The following EPB41L3 variants were observed in gnomAD, a reference collection of about 807,000 sequenced individuals.
EPB41L3 encodes erythrocyte membrane protein band 4.1 like 3.
In EPB41L3, 57 loss-of-function variants were observed where a neutral mutation model predicts 127.1. The ratio of observed to expected loss-of-function variants is 0.45; its 90% CI spans 0.36 to 0.56. The LOEUF is 0.56. EPB41L3 is among the 20% of genes least tolerant of loss of function. The pLI is 0.00. For missense variants in EPB41L3, 1,273 were observed against 1,372.2 expected (o/e 0.93, Z 1.14); for synonymous variants, 572 against 549.5 (o/e 1.04, Z -0.57).
chr18:5,622,555 C>A (rs924879959), intron 1 of EPB41L3, among the ~76,000 whole-genome samples: 1 of 152,182 alleles, frequency 6.6e-6, no homozygotes, highest in Admixed American at 6.5e-5. Flanking sequence ...CATGTTTATT[C>A]TGCTCTTTAG....
chr18:5,395,117 T>G lies in EPB41L3; in HGVS notation c.3103A>C (p.Ile1035Leu). Reference sequence around the variant, plus strand: ...CCCGTGATGACTATTCGCTTCTCAATTCTTGTCTCTGAAATGCCCCCTTTC... The same window carrying G: ...CCCGTGATGACTATTCGCTTCTCAAGTCTTGTCTCTGAAATGCCCCCTTTC... ...TVKGGISETRIEKRIVITGDA... is the reference protein window; with the variant it reads ...TVKGGISETRLEKRIVITGDA... The change falls in exon 21 of 23, where the codon ATT becomes CTT. Residue 1035 changes from isoleucine to leucine, a missense_variant. Transcript: ENST00000341928. 1 of 1,614,122 alleles carries G rather than the reference T, an allele frequency of 6.2e-7. No individual in the cohort carries two copies. The highest frequency in any genetic ancestry group is 8.5e-7 in the Non-Finnish European group (1 of 1,180,016).
chr18:5,512,416 G>A (rs150098428), intron 1 of EPB41L3, among the ~76,000 whole-genome samples: 2 of 152,268 alleles, frequency 1.3e-5, no homozygotes, highest in East Asian at 3.9e-4. Flanking sequence ...CTTTGTTTGG[G>A]TGGGGGCTGG....
intron 1 of EPB41L3, among the ~76,000 whole-genome samples, chr18:5,498,155 T>C (rs1036137298): frequency 4.6e-5 from 7 of 152,208 alleles, no homozygotes; most frequent in Admixed American, 3.9e-4. Context: ...CATTTTCACA[T>C]ATTGTTCTAA....
intron 3 of EPB41L3, among the ~76,000 whole-genome samples, chr18:5,603,257 G>A (rs977156009): frequency 6.6e-6 from 1 of 152,176 alleles, no homozygotes; most frequent in Non-Finnish European, 1.5e-5. Context: ...CTAAGTGAGA[G>A]GAAAATGAAC....
chr18:5,515,533 A>G (rs1367470239), intron 1 of EPB41L3, among the ~76,000 whole-genome samples: 3 of 150,850 alleles, frequency 2.0e-5, no homozygotes, highest in Admixed American at 2.0e-4. Context: ...TGAACCAGTT[A>G]CAACAACTCT....
chr18:5,612,163 A>C (rs1435546316), intron 3 of EPB41L3, among the ~76,000 whole-genome samples: 2 of 152,156 alleles, frequency 1.3e-5, no homozygotes, highest in African/African-American at 4.8e-5. Flanking sequence ...CCAATCTTGA[A>C]AGGAAAGCAT....
chr18:5,589,436 T>C (rs1322552157), intron 3 of EPB41L3, among the ~76,000 whole-genome samples: 2 of 152,142 alleles, frequency 1.3e-5, no homozygotes, highest in Non-Finnish European at 2.9e-5. Flanking sequence ...TGGAAAAATA[T>C]AGCAATAAAG....
chr18:5,456,738 G>A (rs995104633), intron 3 of EPB41L3, among the ~76,000 whole-genome samples: 2 of 152,152 alleles, frequency 1.3e-5, no homozygotes, highest in Admixed American at 6.5e-5. Flanking sequence ...CCTCTATCAG[G>A]GCATCCTGGC....
chr18:5,452,806 T>G (rs561169637), intron 3 of EPB41L3, among the ~76,000 whole-genome samples: 7 of 150,494 alleles, frequency 4.7e-5, no homozygotes, highest in Admixed American at 2.6e-4. Flanking sequence ...GTGTGTGTGT[T>G]TTTAAAAAAC....
At chr18:5,611,410 G>A (rs1018532915) in intron 3 of EPB41L3, among the ~76,000 whole-genome samples, 1 of 152,192 alleles carries the variant, frequency 6.6e-6, no homozygotes. Context: ...GAGGTATACA[G>A]AGTAGTAAAA....
Position 5,395,075 on chromosome 18 carries a change from G to C in EPB41L3, c.3145C>G (p.His1049Asp). Residue 1049 changes from histidine (H) to aspartate (D), a missense_variant, in exon 21 of 23, where the codon CAT (histidine) becomes GAT (aspartate). His to Asp is a moderately conservative substitution (Grantham distance 81, BLOSUM62 -1). Coordinates refer to ENST00000341928, the MANE Select transcript of EPB41L3 (RefSeq NM_012307.5). ...CGTCTCACACACACTACCTGGTCAT[G>C]GTCAATGTCTGCATCCCCCGTGATG... ...IVITGDADID[H>D]DQALAQAIKE... The C allele has an allele frequency of 6.2e-7, 1 of 1,613,934 alleles. No individual in the cohort carries two copies. Among genetic ancestry groups the C allele is most frequent in the Non-Finnish European group, 8.5e-7 (1 of 1,179,878 alleles).
At chr18:5,416,419 A>G in intron 12 of EPB41L3, 41 bp from the exon 13 acceptor site, 3 of 1,554,824 alleles carry the variant, frequency 1.9e-6, no homozygotes, top group Non-Finnish European at 2.6e-6. Context: ...AGCAGCAAAC[A>G]GAGGTGCAAA....
At chr18:5,502,911 G>C (rs188864236) in intron 1 of EPB41L3, among the ~76,000 whole-genome samples, 1 of 152,160 alleles carries the variant, frequency 6.6e-6, no homozygotes, top group East Asian at 1.9e-4. Flanking sequence ...AGCTGGAGAG[G>C]GTAACACTAG....
intron 5 of EPB41L3, among the ~76,000 whole-genome samples, chr18:5,441,876 A>C (rs2085653539): frequency 6.6e-6 from 1 of 152,218 alleles, no homozygotes; most frequent in South Asian, 2.1e-4. Context: ...TGATAAAAAA[A>C]TCTTTTAAAA....
chr18:5,578,879 T>C (rs987628301), intron 3 of EPB41L3, among the ~76,000 whole-genome samples: 1 of 152,212 alleles, frequency 6.6e-6, no homozygotes, highest in African/African-American at 2.4e-5. Flanking sequence ...TGAACATTCA[T>C]ACGCCCTACT....
At chr18:5,528,123 A>G (rs1333839989) in intron 1 of EPB41L3, among the ~76,000 whole-genome samples, 1 of 152,178 alleles carries the variant, frequency 6.6e-6, no homozygotes, top group Admixed American at 6.6e-5. Context: ...AGAGGGAGAG[A>G]GGTGCACATG....
intron 1 of EPB41L3, among the ~76,000 whole-genome samples, chr18:5,518,145 A>T (rs184178444): frequency 8.5e-5 from 13 of 152,168 alleles, no homozygotes; most frequent in Admixed American, 8.5e-4. Context: ...GGGGATGCAC[A>T]CATCAGGCCC....
chr18:5,501,121 T>A (rs1470089791), intron 1 of EPB41L3, among the ~76,000 whole-genome samples: 4 of 151,922 alleles, frequency 2.6e-5, no homozygotes, highest in African/African-American at 4.8e-5. Flanking sequence ...TTTGATCAAA[T>A]CAATAAAGAA....
chr18:5,543,988 C>A lies in EPB41L3; in HGVS notation c.-87G>T. ...GGCGCGCGTCCTCGGCGGCGGTGCG[C>A]AGGAGACTCGGGCGTGGGGAGGAAG... On this transcript the variant is annotated 5_prime_UTR_variant, in exon 1 of 23. Transcript: ENST00000341928. This position sits in a 1 kb window ranked among gnomAD's most constrained non-coding sequence, Gnocchi z 5.2. 1.0e-6 allele frequency: 1 copy of A among 985,634 alleles called. No homozygotes were observed. The highest frequency in any genetic ancestry group is 1.2e-6 in the Non-Finnish European group (1 of 830,084). The allele number at this position is 985,634 out of a possible 1,614,324, so 61.1% of individuals were successfully genotyped here. A position where few individuals can be genotyped will look rare whatever the true frequency, so the allele number is the denominator to read the frequency against.
Sources: gnomAD v4.1 joint callset for allele counts (sites outside exome capture counted in the v4.1 genomes callset) on GRCh38, gnomAD v4.1.1 for gene constraint, Gnocchi (gnomAD v3.1) non-coding constraint, MANE v1.5 for transcripts, NCBI Gene and HGNC (gene_info 2026-07-23, HGNC 2026-07-21) for gene names.